The following DRD3 variants were observed in gnomAD, a reference collection of about 807,000 sequenced individuals.
DRD3 encodes D(3) dopamine receptor.
DRD3 carries 19 observed loss-of-function variants against 36.3 expected under a neutral mutation model. The observed-to-expected ratio is 0.52, with a 90% confidence interval of 0.36 to 0.77. The LOEUF (loss-of-function observed/expected upper bound fraction) is 0.77, where lower values mean the gene tolerates loss of function less well. DRD3 is among the 30% of genes least tolerant of loss of function. The pLI is 0.00. For missense variants in DRD3, 465 were observed against 505.3 expected (o/e 0.92, Z 0.77); for synonymous variants, 195 against 203.7 (o/e 0.96, Z 0.36).
At chr3:114,156,793 TTCTTTC>T (rs1365793259) in intron 3 of DRD3, among the ~76,000 whole-genome samples, 47 of 141,926 alleles carry the variant, frequency 3.3e-4, no homozygotes, top group Middle Eastern at 3.5e-3. Context: ...CTTTCTTTCT[TTCTTTC>T]TCTTTTCTTT....
intron 2 of DRD3, among the ~76,000 whole-genome samples, chr3:114,161,983 A>G (rs1160334251): frequency 6.6e-6 from 1 of 152,260 alleles, no homozygotes; most frequent in African/African-American, 2.4e-5. Flanking sequence ...AAGGATAGTT[A>G]GGATAACAGC....
chr3:114,169,848 C>T (rs1421144907), intron 2 of DRD3, among the ~76,000 whole-genome samples: 3 of 152,142 alleles, frequency 2.0e-5, no homozygotes, highest in African/African-American at 7.2e-5. Flanking sequence ...TATGGTCCAA[C>T]CAGAGTCCTA....
chr3:114,191,685 T>C (rs572904446), intron 1 of DRD3, among the ~76,000 whole-genome samples: 20 of 152,298 alleles, frequency 1.3e-4, no homozygotes, highest in African/African-American at 4.3e-4. Context: ...GGCGGCTCCC[T>C]GGACTCCACT....
chr3:114,169,575 T>C (rs1394928547), intron 2 of DRD3, among the ~76,000 whole-genome samples: 1 of 152,210 alleles, frequency 6.6e-6, no homozygotes, highest in Admixed American at 6.5e-5. Context: ...CATAGTATTA[T>C]GGTTTTTATG....
At chr3:114,128,943 A>G (rs201164439) in intron 6 of DRD3, 31 bp from the exon 7 acceptor site, 26 of 1,536,040 alleles carry the variant, frequency 1.7e-5, no homozygotes, top group African/African-American at 6.9e-5. Flanking sequence ...GAAACTGGGT[A>G]AGGGATTTGC....
chr3:114,156,765 T>TTCTTTCTTTCTTTCTTTCTTTC (rs2077676766), intron 3 of DRD3, among the ~76,000 whole-genome samples: 1 of 114,070 alleles, frequency 8.8e-6, no homozygotes, highest in African/African-American at 3.1e-5. Context: ...CTTTCTTTCT[T>TTCTTTCTTTCTTTCTTTCTTTC]TCTTTCTTTC....
chr3:114,169,248 T>G (rs551685571), intron 2 of DRD3, among the ~76,000 whole-genome samples: 6 of 151,460 alleles, frequency 4.0e-5, no homozygotes, highest in Admixed American at 2.0e-4. Flanking sequence ...GGAAAACATT[T>G]GAGATTAAGA....
At chr3:114,153,616 G>A (rs1040068767) in intron 3 of DRD3, among the ~76,000 whole-genome samples, 18 of 152,284 alleles carry the variant, frequency 1.2e-4, no homozygotes, top group African/African-American at 4.3e-4. Context: ...ACTTGCCCAA[G>A]GTCACATTGC....
At chr3:114,180,798 A>G (rs1303438008), upstream of DRD3, among the ~76,000 whole-genome samples, 2 of 152,160 alleles carry the variant, frequency 1.3e-5, no homozygotes, top group African/African-American at 4.8e-5. Flanking sequence ...GTGAACTCCA[A>G]GGCTTTTCTT....
chr3:114,199,250 GA>G (rs139962832), intron 1 of DRD3: 8,429 of 152,220 alleles, frequency 0.055, 792 homozygotes, highest in African/African-American at 0.19. Context: ...AATTTATAAT[GA>G]ACAGAAATTT....
intron 2 of DRD3, among the ~76,000 whole-genome samples, chr3:114,170,756 T>C (rs2077832523): frequency 2.6e-5 from 4 of 152,222 alleles, no homozygotes; most frequent in Admixed American, 1.3e-4. Context: ...CTATCAATAT[T>C]AACTGAGATA....
Position 114,135,688 on chromosome 3 carries a change from G to T in DRD3, c.723+3812C>A, listed in dbSNP as rs1275844710. Among the ~76,000 whole-genome samples the T allele has an allele frequency of 3.3e-5, 5 of 150,556 alleles. No homozygotes were observed. In the South Asian group the frequency reaches 6.3e-4, roughly 19 times the overall value. ...TGTGTTTTTTTGTTTGTTTTTTTTT[G>T]TTGTTGTTTGTTTGTTTTTGAGATG... On this transcript the variant is annotated intron_variant, in intron 5 of 6. Transcript: ENST00000383673.
chr3:114,183,540 T>C (rs2077959174), upstream of DRD3, among the ~76,000 whole-genome samples: 1 of 152,210 alleles, frequency 6.6e-6, no homozygotes, highest in African/African-American at 2.4e-5. Flanking sequence ...TTCCAACTAT[T>C]AATGTAGAAT....
chr3:114,184,858 C>T (rs149273122), intron 1 of DRD3, among the ~76,000 whole-genome samples: 15 of 152,308 alleles, frequency 9.8e-5, no homozygotes, highest in African/African-American at 3.6e-4. Flanking sequence ...GTCACTGCAA[C>T]TGACCTCCTT....
In DRD3 at chr3:114,128,553, CT is replaced by C. The variant is rs2107824973; in HGVS notation, c.*162del. The C allele has an allele frequency of 1.7e-6, 1 of 585,588 alleles. No individual in the cohort carries two copies. Among genetic ancestry groups the C allele is most frequent in the South Asian group, 5.4e-5 (1 of 18,446 alleles). The allele number at this position is 585,588 out of a possible 1,614,324, so 36.3% of individuals were successfully genotyped here. A position where few individuals can be genotyped will look rare whatever the true frequency, so the allele number is the denominator to read the frequency against. On this transcript the variant is annotated 3_prime_UTR_variant, in exon 7 of 7. Coordinates refer to ENST00000383673, the MANE Select transcript of DRD3 (RefSeq NM_000796.6). ...ATTTTAGCTGGGGAGGTAGAATATT[CT>C]GTTTTGGAGGACACATCTGGTTATA...
At chr3:114,197,277 AT>A (rs58452737) in intron 1 of DRD3, among the ~76,000 whole-genome samples, 6,619 of 89,470 alleles carry the variant, frequency 0.074, 93 homozygotes, top group Middle Eastern at 0.15. Flanking sequence ...AATTAAAAAA[AT>A]TTTTTTTTTT....
intron 5 of DRD3, among the ~76,000 whole-genome samples, chr3:114,137,827 T>C (rs1340004055): frequency 4.5e-5 from 3 of 65,974 alleles, no homozygotes; most frequent in Non-Finnish European, 1.0e-4. Context: ...CCGTCTCTAC[T>C]AAAAATACAA....
intron 3 of DRD3, among the ~76,000 whole-genome samples, chr3:114,158,966 T>G (rs1484105116): frequency 6.6e-6 from 1 of 151,726 alleles, no homozygotes. Context: ...GTGAGGCTGG[T>G]GATGTCCCAG....
chr3:114,156,743 TTTTCTTTC>T lies in DRD3; in HGVS notation c.383+3004_383+3011del, dbSNP rs1158303889. 1.7e-3 allele frequency among the ~76,000 whole-genome samples: 36 copies of T among 20,756 alleles called. 1 individual carries two copies. Among genetic ancestry groups the T allele is most frequent in the African/African-American group, 3.4e-3 (36 of 10,544 alleles). The allele number at this position is 20,756 out of a possible 152,430, so 13.6% of individuals were successfully genotyped here. A position where few individuals can be genotyped will look rare whatever the true frequency, so the allele number is the denominator to read the frequency against. ...TTTCTTTCTTTCTTTCTTTCTTTCT[TTTTCTTTC>T]TTTCTTTCTTTCTTTCTTTCTTTCT... On this transcript the variant is annotated intron_variant, in intron 3 of 6. Transcript: ENST00000383673.
Sources: allele counts gnomAD v4.1 joint callset (sites outside exome capture counted in the v4.1 genomes callset), GRCh38; gene constraint gnomAD v4.1.1; transcripts MANE v1.5; gene names NCBI Gene and HGNC (gene_info 2026-07-23, HGNC 2026-07-21).